The following PLCL2 variants were observed in gnomAD, a reference collection of about 807,000 sequenced individuals.
PLCL2 encodes inactive phospholipase C-like protein 2.
Under a neutral mutation model 79.6 loss-of-function variants are expected in PLCL2, and 4 were observed. That is an observed-to-expected ratio of 0.05 (90% CI 0.02 to 0.11). The LOEUF (loss-of-function observed/expected upper bound fraction) is 0.11. Among genes scored for constraint, PLCL2 ranks in the 10% least tolerant of loss-of-function variants. PLCL2 has a pLI of 1.00. For missense variants in PLCL2, 895 were observed against 1,291.0 expected, an observed-to-expected ratio of 0.69 and a Z score of 4.70; for synonymous variants, 484 against 457.7, an observed-to-expected ratio of 1.06 and a Z score of -0.73.
At chr3:17,065,423 C>T (rs2065000318) in intron 4 of PLCL2, among the ~76,000 whole-genome samples, 1 of 152,182 alleles carries the variant, frequency 6.6e-6, no homozygotes, top group African/African-American at 2.4e-5. Context: ...TTTCTGAAAG[C>T]TGTTTTCTTA....
At chr3:16,997,946 A>T (rs2064170562) in intron 1 of PLCL2, among the ~76,000 whole-genome samples, 1 of 152,202 alleles carries the variant, frequency 6.6e-6, no homozygotes, top group Non-Finnish European at 1.5e-5. Flanking sequence ...GTGATCACAT[A>T]ATAAATTGTC....
At chr3:16,925,819 A>G (rs1480340075) in intron 1 of PLCL2, among the ~76,000 whole-genome samples, 1 of 152,218 alleles carries the variant, frequency 6.6e-6, no homozygotes, top group Non-Finnish European at 1.5e-5. Flanking sequence ...ATTATGGACT[A>G]TGCTGCTATG....
chr3:17,006,649 T>C (rs892388622), intron 1 of PLCL2, among the ~76,000 whole-genome samples: 5 of 152,224 alleles, frequency 3.3e-5, no homozygotes, highest in African/African-American at 1.2e-4. Flanking sequence ...AAGTCTCTGC[T>C]AAGGGGTGTC....
chr3:16,927,097 A>G (rs1270344673), intron 1 of PLCL2, among the ~76,000 whole-genome samples: 4 of 152,200 alleles, frequency 2.6e-5, no homozygotes, highest in East Asian at 3.8e-4. Context: ...AACACAGACT[A>G]ATTTTTTTTA....
At chr3:16,960,020 G>A (rs61487975) in intron 1 of PLCL2, among the ~76,000 whole-genome samples, 3,532 of 152,238 alleles carry the variant, frequency 0.023, 131 homozygotes, top group African/African-American at 0.08. Flanking sequence ...CAGGAGAATG[G>A]CGTGAACCTG....
intron 1 of PLCL2, among the ~76,000 whole-genome samples, chr3:16,918,303 T>A (rs892108425): frequency 2.4e-4 from 37 of 152,200 alleles, no homozygotes; most frequent in African/African-American, 8.9e-4. Context: ...AAATCTCATT[T>A]TTTAAGTAGC....
intron 1 of PLCL2, among the ~76,000 whole-genome samples, chr3:16,996,442 G>A (rs191642428): frequency 6.6e-6 from 1 of 152,218 alleles, no homozygotes; most frequent in Admixed American, 6.5e-5. Context: ...TGGAACTGAA[G>A]ATCTTGATAA....
At chr3:16,906,670 T>C (rs967007739) in intron 1 of PLCL2, among the ~76,000 whole-genome samples, 2 of 152,232 alleles carry the variant, frequency 1.3e-5, no homozygotes, top group Non-Finnish European at 2.9e-5. Context: ...GTAATACTTT[T>C]TACATAATAA....
chr3:17,001,450 T>A (rs2064209984), intron 1 of PLCL2, among the ~76,000 whole-genome samples: 2 of 152,154 alleles, frequency 1.3e-5, no homozygotes, highest in South Asian at 2.1e-4. Flanking sequence ...CTGAATTGTT[T>A]CCCCAGTGTT....
At chr3:16,978,507 T>C (rs750944730) in intron 1 of PLCL2, among the ~76,000 whole-genome samples, 1 of 152,318 alleles carries the variant, frequency 6.6e-6, no homozygotes, top group South Asian at 2.1e-4. Flanking sequence ...GAAAGGCATA[T>C]AATGGGAAGT....
chr3:16,921,295 A>AATTT (rs1330606089), intron 1 of PLCL2, among the ~76,000 whole-genome samples: 7 of 152,300 alleles, frequency 4.6e-5, no homozygotes. Context: ...TTTTAGTTTT[A>AATTT]ATTTAATCAT....
At chr3:17,026,860 C>T (rs1649218315) in intron 3 of PLCL2, among the ~76,000 whole-genome samples, 1 of 151,834 alleles carries the variant, frequency 6.6e-6, no homozygotes, top group African/African-American at 2.4e-5. Context: ...GACTGAGACC[C>T]TGTCTCAAAA....
At chr3:17,071,662 G>T (rs1367989904) in intron 5 of PLCL2, among the ~76,000 whole-genome samples, 1 of 152,126 alleles carries the variant, frequency 6.6e-6, no homozygotes, top group African/African-American at 2.4e-5. Flanking sequence ...CTTTCGGTAT[G>T]TTTGAAATTA....
intron 3 of PLCL2, among the ~76,000 whole-genome samples, chr3:17,042,491 G>A (rs2064735241): frequency 6.6e-6 from 1 of 152,168 alleles, no homozygotes; most frequent in South Asian, 2.1e-4. Flanking sequence ...AGGTGTTGAA[G>A]TTTTCTATAA....
intron 5 of PLCL2, among the ~76,000 whole-genome samples, chr3:17,083,338 T>C (rs1333942896): frequency 1.3e-5 from 2 of 152,076 alleles, no homozygotes; most frequent in East Asian, 1.9e-4. Flanking sequence ...GAGGGAACAA[T>C]GAGTGCATAG....
At chr3:17,059,781 A>G (rs2064929802) in intron 4 of PLCL2, among the ~76,000 whole-genome samples, 1 of 152,190 alleles carries the variant, frequency 6.6e-6, no homozygotes, top group African/African-American at 2.4e-5. Flanking sequence ...AAGGAAAGAC[A>G]GTTCCCTGTA....
intron 1 of PLCL2, among the ~76,000 whole-genome samples, chr3:16,934,136 CTT>C (rs1223077463): frequency 6.6e-6 from 1 of 152,072 alleles, no homozygotes; most frequent in Non-Finnish European, 1.5e-5. Context: ...CATGCAAAGG[CTT>C]TTGTGTTCTC....
At position 17,011,221 on chromosome 3, in the gene PLCL2, C is replaced by T; in HGVS notation, c.1875C>T (p.Cys625=). 1 of 1,614,158 alleles carries T rather than the reference C, an allele frequency of 6.2e-7. No homozygotes were observed. The highest frequency in any genetic ancestry group is 8.5e-7 in the Non-Finnish European group (1 of 1,180,006). ...CKELSELVSI[C]KSVQFKEFQV... ...AACTGTCTGAACTGGTCAGCATCTG[C>T]AAATCAGTTCAGTTCAAAGAATTTC... is the stretch of plus-strand genomic sequence containing the variant. The change falls in exon 2 of 6, where the codon TGC becomes TGT. Residue 625 remains cysteine (C), a synonymous_variant. Transcript: ENST00000615277. This position sits in a 1 kb window ranked among gnomAD's most constrained non-coding sequence, Gnocchi z 7.9.
At chr3:16,972,417 G>T (rs1294932326) in intron 1 of PLCL2, among the ~76,000 whole-genome samples, 1 of 152,106 alleles carries the variant, frequency 6.6e-6, no homozygotes, top group Non-Finnish European at 1.5e-5. Context: ...GCTGATTTTT[G>T]TTGTGTGGTC....
Sources: allele counts gnomAD v4.1 joint callset (sites outside exome capture counted in the v4.1 genomes callset), GRCh38; gene constraint gnomAD v4.1.1; non-coding constraint Gnocchi (gnomAD v3.1); transcripts MANE v1.5; gene names NCBI Gene and HGNC (gene_info 2026-07-23, HGNC 2026-07-21).